Variants in SCMH1 observed in about 807,000 individuals in gnomAD.
SCMH1 encodes polycomb protein SCMH1.
A neutral mutation model predicts 70.8 loss-of-function variants in SCMH1; 37 were observed. The ratio of observed to expected loss-of-function variants is 0.52; its 90% CI spans 0.40 to 0.69. SCMH1 has a LOEUF of 0.69. Ranked by LOEUF, SCMH1 falls within the 30% of genes least tolerant of loss-of-function variation. The pLI is 0.00. For synonymous variants in SCMH1, 292 were observed against 307.4 expected (o/e 0.95, Z 0.52); for missense variants, 607 against 827.3 (o/e 0.73, Z 3.27).
chr1:41,212,896 T>A (rs1052564901), intron 1 of SCMH1, among the ~76,000 whole-genome samples: 15 of 152,078 alleles, frequency 9.9e-5, no homozygotes, highest in Non-Finnish European at 2.1e-4. Flanking sequence ...AAAAGATACA[T>A]ATTTTAACAG....
intron 8 of SCMH1, among the ~76,000 whole-genome samples, chr1:41,098,253 C>T (rs547427125): frequency 6.6e-6 from 1 of 152,292 alleles, no homozygotes; most frequent in African/African-American, 2.4e-5. Context: ...ATGAAAGACT[C>T]ACCTTATTTA....
At chr1:41,049,624 G>A (rs1487165160) in intron 10 of SCMH1, among the ~76,000 whole-genome samples, 1 of 151,454 alleles carries the variant, frequency 6.6e-6, no homozygotes, top group African/African-American at 2.4e-5. Flanking sequence ...AAAAATAGCC[G>A]GGCATGGTGG....
chr1:41,027,314 G>C (rs1643934244), exon 15 of SCMH1: 1 of 152,252 alleles, frequency 6.6e-6, no homozygotes. Flanking sequence ...CAGGCGAGTG[G>C]GTGGAACCGA....
chr1:41,241,135 C>A (rs1663422628), intron 1 of SCMH1, among the ~76,000 whole-genome samples: 1 of 152,212 alleles, frequency 6.6e-6, no homozygotes, highest in Non-Finnish European at 1.5e-5. Flanking sequence ...AGATTCGCTT[C>A]GGATCACTGG....
At chr1:41,221,028 T>A (rs556310809) in intron 1 of SCMH1, among the ~76,000 whole-genome samples, 2 of 152,280 alleles carry the variant, frequency 1.3e-5, no homozygotes, top group South Asian at 4.2e-4. Flanking sequence ...TTGGCATAGA[T>A]TGAAAAGATT....
intron 4 of SCMH1, among the ~76,000 whole-genome samples, chr1:41,153,573 T>C (rs922860216): frequency 4.6e-5 from 7 of 152,220 alleles, no homozygotes; most frequent in Admixed American, 3.3e-4. Flanking sequence ...ATCCCTATTC[T>C]GTAATGTACA....
intron 1 of SCMH1, among the ~76,000 whole-genome samples, chr1:41,217,750 G>A (rs554459171): frequency 6.6e-6 from 1 of 152,292 alleles, no homozygotes; most frequent in South Asian, 2.1e-4. Flanking sequence ...AGATGGAGAG[G>A]TCTGGGCCAA....
chr1:41,028,531 A>T, intron 14 of SCMH1, 53 bp downstream of exon 15: 1 of 1,607,188 alleles, frequency 6.2e-7, no homozygotes, highest in Non-Finnish European at 8.5e-7. Flanking sequence ...TGTCCCCACC[A>T]GGTGAGGCTC....
intron 1 of SCMH1, among the ~76,000 whole-genome samples, chr1:41,207,352 A>G (rs144933747): frequency 3.9e-5 from 6 of 152,310 alleles, no homozygotes; most frequent in Admixed American, 1.3e-4. Context: ...AAGATCTACC[A>G]AGCAAATGGA....
intron 4 of SCMH1, among the ~76,000 whole-genome samples, chr1:41,158,991 C>G (rs1018148076): frequency 1.3e-5 from 2 of 152,006 alleles, no homozygotes; most frequent in Admixed American, 1.3e-4. Context: ...AAATGAATTA[C>G]GTGAGGAGGT....
chr1:41,100,537 G>A (rs1193474671), intron 8 of SCMH1, among the ~76,000 whole-genome samples: 3 of 150,414 alleles, frequency 2.0e-5, no homozygotes, highest in Non-Finnish European at 2.9e-5. Flanking sequence ...TAACATGTGA[G>A]GTCATAGGAT....
intron 2 of SCMH1, among the ~76,000 whole-genome samples, chr1:41,185,517 C>G (rs1261783642): frequency 6.6e-6 from 1 of 152,132 alleles, no homozygotes; most frequent in East Asian, 1.9e-4. Context: ...GTGGCTACTA[C>G]AAAACTTTAA....
chr1:41,158,354 A>G (rs941653020), intron 4 of SCMH1, among the ~76,000 whole-genome samples: 4 of 152,202 alleles, frequency 2.6e-5, no homozygotes, highest in Non-Finnish European at 5.9e-5. Flanking sequence ...AGATAATGTG[A>G]TAAGTGCTAC....
At chr1:41,186,286 C>A in intron 1 of SCMH1, 36 bp from the exon 2 acceptor site, 1 of 575,990 alleles carries the variant, frequency 1.7e-6, no homozygotes, top group South Asian at 2.0e-5. Context: ...AGGAGAAGAA[C>A]ATTTATTACC....
intron 1 of SCMH1, among the ~76,000 whole-genome samples, chr1:41,231,640 T>C (rs1229304272): frequency 6.6e-6 from 1 of 152,216 alleles, no homozygotes; most frequent in African/African-American, 2.4e-5. Flanking sequence ...CTACATTATA[T>C]TTAGTCATTA....
chr1:41,187,764 C>T (rs1650620800), intron 1 of SCMH1, among the ~76,000 whole-genome samples: 1 of 151,130 alleles, frequency 6.6e-6, no homozygotes. Context: ...AGTGAGACCC[C>T]CATCTCTAGG....
chr1:41,090,514 T>C (rs982856942), intron 8 of SCMH1, among the ~76,000 whole-genome samples: 3 of 151,940 alleles, frequency 2.0e-5, no homozygotes, highest in African/African-American at 7.3e-5. Context: ...ATTGTGGATA[T>C]TCTCCTTTGA....
At chr1:41,197,153 A>T (rs1473128451) in intron 1 of SCMH1, among the ~76,000 whole-genome samples, 1 of 152,168 alleles carries the variant, frequency 6.6e-6, no homozygotes, top group Non-Finnish European at 1.5e-5. Context: ...TCAAAAAGTC[A>T]AATGTGGAAT....
At chr1:41,163,760 C>A (rs182356515) in intron 2 of SCMH1, among the ~76,000 whole-genome samples, 2 of 152,126 alleles carry the variant, frequency 1.3e-5, no homozygotes, top group African/African-American at 4.8e-5. Flanking sequence ...GTTGTTTAAG[C>A]CACCTAGTCC....
Sources: gnomAD v4.1 joint callset for allele counts (sites outside exome capture counted in the v4.1 genomes callset) on GRCh38, gnomAD v4.1.1 for gene constraint, MANE v1.5 for transcripts, NCBI Gene and HGNC (gene_info 2026-07-23, HGNC 2026-07-21) for gene names.